Variants in GLI2 observed in about 807,000 individuals in gnomAD.
The protein encoded by GLI2 is GLI family zinc finger 2, also known as transcription activator GLI2.
Under a neutral mutation model 78.9 loss-of-function variants are expected in GLI2, and 22 were observed. The observed-to-expected ratio is 0.28, with a 90% CI of 0.20 to 0.40. The LOEUF (loss-of-function observed/expected upper bound fraction) is 0.40. GLI2 is among the 10% of genes least tolerant of loss of function. The pLI is 1.00. For synonymous variants in GLI2, 974 were observed against 963.7 expected (o/e 1.01, Z -0.20); for missense variants, 2,097 against 2,213.2 (o/e 0.95, Z 1.05).
intron 4 of GLI2, among the ~76,000 whole-genome samples, chr2:120,954,605 C>G (rs951314788): frequency 6.6e-6 from 1 of 152,198 alleles, no homozygotes; most frequent in African/African-American, 2.4e-5. Context: ...TGCTAGGTTT[C>G]CAAGCTCCCA....
At chr2:120,933,488 A>C (rs1386627520) in intron 3 of GLI2, among the ~76,000 whole-genome samples, 3 of 152,124 alleles carry the variant, frequency 2.0e-5, no homozygotes, top group African/African-American at 4.8e-5. Context: ...GAGTCTGTAC[A>C]AGGGCGAGAA....
intron 2 of GLI2, among the ~76,000 whole-genome samples, chr2:120,815,854 C>T (rs1266802909): frequency 4.6e-5 from 7 of 152,070 alleles, no homozygotes; most frequent in Non-Finnish European, 8.8e-5. Context: ...GTGGCATTGG[C>T]GATCTGAGGG....
chr2:120,928,243 C>T (rs1191991689), intron 3 of GLI2, among the ~76,000 whole-genome samples: 3 of 152,158 alleles, frequency 2.0e-5, no homozygotes, highest in African/African-American at 2.4e-5. Flanking sequence ...TTCATGCCCA[C>T]ACCCTCCAGC....
intron 11 of GLI2, among the ~76,000 whole-genome samples, chr2:120,983,804 G>A (rs1682827097): frequency 6.6e-6 from 1 of 152,236 alleles, no homozygotes; most frequent in African/African-American, 2.4e-5. Context: ...TCCAATGCTT[G>A]TAAGAAGTTA....
At chr2:120,911,110 T>G (rs1425553643) in intron 2 of GLI2, among the ~76,000 whole-genome samples, 1 of 152,172 alleles carries the variant, frequency 6.6e-6, no homozygotes, top group Non-Finnish European at 1.5e-5. Flanking sequence ...GACCTGGGCC[T>G]TCCCCCGGCC....
At chr2:120,970,362 C>A in intron 6 of GLI2, 31 bp from the exon 7 acceptor site, 1 of 1,226,720 alleles carries the variant, frequency 8.2e-7, no homozygotes, top group Non-Finnish European at 1.2e-6. Flanking sequence ...CGATCCCCCA[C>A]CCCCACTTCC....
intron 3 of GLI2, among the ~76,000 whole-genome samples, chr2:120,938,794 C>T (rs993312215): frequency 2.0e-5 from 3 of 152,146 alleles, no homozygotes; most frequent in Admixed American, 6.5e-5. Context: ...GACGACTGAG[C>T]CTCAGATGAT....
intron 1 of GLI2, among the ~76,000 whole-genome samples, chr2:120,783,279 C>A (rs1280030655): frequency 6.6e-6 from 1 of 152,156 alleles, no homozygotes; most frequent in Non-Finnish European, 1.5e-5. Flanking sequence ...CATGTGGCAC[C>A]CTGGCTTCCC....
rs776223252 is a variant in GLI2, at chr2:120,984,575, C to G, written c.1737C>G (p.Thr579=). The change falls in exon 12 of 14, where the codon ACC becomes ACG. Residue 579 remains threonine, a synonymous_variant. Transcript: ENST00000361492. ...KTVHGPDAHV[T]KKQRNDVHLR... is the part of the protein sequence containing the mutation. Reference sequence around the variant, plus strand: ...TCCACGGCCCAGATGCCCACGTCACCAAGAAGCAGCGCAATGACGTGCACC... The same window carrying G: ...TCCACGGCCCAGATGCCCACGTCACGAAGAAGCAGCGCAATGACGTGCACC... 1.8e-5 allele frequency: 29 copies of G among 1,614,112 alleles called. No individual in the cohort carries two copies. Among genetic ancestry groups the G allele is most frequent in the African/African-American group, 2.7e-5 (2 of 74,944 alleles).
At chr2:120,772,694 A>G (rs1171111268) in intron 1 of GLI2, among the ~76,000 whole-genome samples, 1 of 152,246 alleles carries the variant, frequency 6.6e-6, no homozygotes, top group Non-Finnish European at 1.5e-5. Context: ...GTATATTCCT[A>G]ATAATTATAA....
At chr2:120,805,231 G>T (rs1003934556) in intron 2 of GLI2, among the ~76,000 whole-genome samples, 1 of 152,234 alleles carries the variant, frequency 6.6e-6, no homozygotes, top group Non-Finnish European at 1.5e-5. Context: ...GCCGCAGCCC[G>T]GGGTCTGGAC....
intron 2 of GLI2, among the ~76,000 whole-genome samples, chr2:120,873,978 A>G (rs1688598883): frequency 6.6e-6 from 1 of 152,174 alleles, no homozygotes; most frequent in African/African-American, 2.4e-5. Context: ...AACCTGCTCC[A>G]GGGATAATCT....
intron 1 of GLI2, among the ~76,000 whole-genome samples, chr2:120,766,618 A>G (rs1683374575): frequency 6.6e-6 from 1 of 152,232 alleles, no homozygotes; most frequent in African/African-American, 2.4e-5. Flanking sequence ...GCGGAGGAGC[A>G]TTAGCTCTAC....
At chr2:120,781,647 C>A (rs1311229387) in intron 1 of GLI2, among the ~76,000 whole-genome samples, 2 of 152,218 alleles carry the variant, frequency 1.3e-5, no homozygotes, top group Non-Finnish European at 2.9e-5. Flanking sequence ...CTTTGGGAGG[C>A]CGAGGCGGGT....
intron 2 of GLI2, among the ~76,000 whole-genome samples, chr2:120,879,066 G>C (rs1042905273): frequency 6.6e-6 from 1 of 152,140 alleles, no homozygotes; most frequent in Admixed American, 6.5e-5. Flanking sequence ...GCATTGCCCC[G>C]TGGGGTTTGG....
intron 2 of GLI2, among the ~76,000 whole-genome samples, chr2:120,926,989 A>G (rs1679709505): frequency 6.6e-6 from 1 of 152,216 alleles, no homozygotes; most frequent in African/African-American, 2.4e-5. Flanking sequence ...TGCTGGAGCC[A>G]CACGCAGCCA....
intron 2 of GLI2, among the ~76,000 whole-genome samples, chr2:120,861,359 G>C (rs939227710): frequency 1.3e-5 from 2 of 152,218 alleles, no homozygotes; most frequent in African/African-American, 2.4e-5. Flanking sequence ...GCCCCTGCAG[G>C]CTTCCTGGAG....
At chr2:120,890,176 C>T (rs566889207) in intron 2 of GLI2, among the ~76,000 whole-genome samples, 18 of 152,244 alleles carry the variant, frequency 1.2e-4, no homozygotes, top group African/African-American at 2.6e-4. Flanking sequence ...GCTGAATCTT[C>T]GGGGAATTAT....
chr2:120,856,436 C>T (rs888753183), intron 2 of GLI2, among the ~76,000 whole-genome samples: 3 of 152,098 alleles, frequency 2.0e-5, no homozygotes, highest in African/African-American at 7.2e-5. Flanking sequence ...CGACTGTGCC[C>T]GGGCCAGGAA....
Sources: gnomAD v4.1 joint callset for allele counts (sites outside exome capture counted in the v4.1 genomes callset) on GRCh38, gnomAD v4.1.1 for gene constraint, MANE v1.5 for transcripts, NCBI Gene and HGNC (gene_info 2026-07-23, HGNC 2026-07-21) for gene names.